Variants in ZNF148 observed in about 807,000 individuals in gnomAD.
ZNF148 encodes the protein zinc finger protein 148, also known as Beta-Enolase Repressor Factor-1.
Under a neutral mutation model 67.7 loss-of-function variants are expected in ZNF148, and 7 were observed. The ratio of observed to expected loss-of-function variants is 0.10; its 90% confidence interval spans 0.06 to 0.19. ZNF148 has a LOEUF of 0.19. ZNF148 is among the 10% of genes least tolerant of loss of function. The probability of loss-of-function intolerance (pLI) is 1.00; values close to 1 mark genes in which losing one functional copy is unlikely to be tolerated. For missense variants in ZNF148, 583 were observed against 947.1 expected (o/e 0.62, Z 5.05); for synonymous variants, 333 against 330.7 (o/e 1.01, Z -0.08).
chr3:125,308,121 C>T (rs1384019213), intron 4 of ZNF148, among the ~76,000 whole-genome samples: 1 of 152,058 alleles, frequency 6.6e-6, no homozygotes, highest in African/African-American at 2.4e-5. Flanking sequence ...GTAAGTAAAA[C>T]ATATGGACAA....
chr3:125,251,952 C>T (rs1341413267), intron 7 of ZNF148, among the ~76,000 whole-genome samples: 2 of 152,164 alleles, frequency 1.3e-5, no homozygotes, highest in Non-Finnish European at 2.9e-5. Context: ...GTACTTTGTA[C>T]CACCTGTATT....
At position 125,298,346 on chromosome 3, in the gene ZNF148, T is replaced by TACAC. The variant is rs141809192; in HGVS notation, c.334-10122_334-10119dup. Among the ~76,000 whole-genome samples, 568 of 145,756 alleles carry TACAC rather than the reference T, an allele frequency of 3.9e-3. 6 individuals are homozygous for TACAC. Among genetic ancestry groups the TACAC allele is most frequent in the African/African-American group, 0.01 (390 of 38,902 alleles). On this transcript the variant is annotated intron_variant, in intron 4 of 8. Transcript: ENST00000360647. ...CCTAGAGCAATGTTATAAATGTGCA[T>TACAC]ACACACACACACACACACACACACA...
rs780104167 is a variant in ZNF148, at chr3:125,233,885, G to T, written c.841C>A (p.His281Asn). ...LKHKRMCHEN[H>N]DKKLNRCAIK... is the part of the protein sequence containing the mutation. ...GCACATCTATTTAGTTTTTTGTCAT[G>T]ATTTTCATGGCACATACGTTTATGT... is the stretch of plus-strand genomic sequence containing the variant. Residue 281 changes from histidine to asparagine, a missense_variant, in exon 9 of 9, where the codon CAT (histidine) becomes AAT (asparagine). This residue lies in a region of ZNF148 where 78 missense variants were observed against 86.5 expected (regional missense o/e 0.90). Coordinates refer to ENST00000360647, the MANE Select transcript of ZNF148 (RefSeq NM_021964.3). This position sits in a 1 kb window ranked among gnomAD's most constrained non-coding sequence, Gnocchi z 5.1. 2 of 1,611,880 alleles carry T rather than the reference G, an allele frequency of 1.2e-6. No individual in the cohort carries two copies. Among genetic ancestry groups the T allele is most frequent in the Admixed American group, 3.3e-5 (2 of 59,740 alleles).
intron 1 of ZNF148, among the ~76,000 whole-genome samples, chr3:125,369,746 T>A (rs947951166): frequency 2.0e-5 from 3 of 152,080 alleles, no homozygotes; most frequent in Non-Finnish European, 4.4e-5. Flanking sequence ...GATGCCAAGG[T>A]GGGAGGATCA....
intron 1 of ZNF148, among the ~76,000 whole-genome samples, chr3:125,333,487 T>G (rs1376616433): frequency 6.6e-6 from 1 of 151,942 alleles, no homozygotes; most frequent in Admixed American, 6.6e-5. Context: ...ATTTCATTTC[T>G]TCAAGCCTCT....
At chr3:125,361,621 C>T (rs1267795971) in intron 1 of ZNF148, among the ~76,000 whole-genome samples, 1 of 152,010 alleles carries the variant, frequency 6.6e-6, no homozygotes, top group Non-Finnish European at 1.5e-5. Context: ...CACTTGAGGT[C>T]AGGAGTTCGA....
At position 125,317,639 on chromosome 3, in the gene ZNF148, T is replaced by C. The variant is rs540134109; in HGVS notation, c.-16-3983A>G. ...AAGGAGAACTATGTAGATAGTAAGA[T>C]CTTTTATATATATATATATATATAG... On this transcript the variant is annotated intron_variant, in intron 3 of 8. Transcript: ENST00000360647. Among the ~76,000 whole-genome samples the C allele has an allele frequency of 2.8e-4, 14 of 50,566 alleles. No homozygotes were observed. In the East Asian group the frequency reaches 4.3e-3, roughly 16 times the overall value. 33.2% of individuals were successfully genotyped at this position (50,566 alleles called of 152,430 possible).
chr3:125,293,583 G>A (rs970683899), intron 4 of ZNF148, among the ~76,000 whole-genome samples: 1 of 152,110 alleles, frequency 6.6e-6, no homozygotes, highest in East Asian at 1.9e-4. Flanking sequence ...AAGGATCAGA[G>A]GATGTCAAAA....
At chr3:125,325,967 C>T (rs1409956350) in intron 2 of ZNF148, among the ~76,000 whole-genome samples, 1 of 152,056 alleles carries the variant, frequency 6.6e-6, no homozygotes, top group Admixed American at 6.6e-5. Flanking sequence ...TGGCTAACTT[C>T]CAGTTAGAAA....
At chr3:125,304,172 G>GACAGAA (rs1939747315) in intron 4 of ZNF148, among the ~76,000 whole-genome samples, 1 of 152,114 alleles carries the variant, frequency 6.6e-6, no homozygotes, top group African/African-American at 2.4e-5. Context: ...AGAAGGAAGA[G>GACAGAA]GGCTTCTACA....
At chr3:125,343,918 G>T (rs1941837727) in intron 1 of ZNF148, among the ~76,000 whole-genome samples, 1 of 152,054 alleles carries the variant, frequency 6.6e-6, no homozygotes, top group Non-Finnish European at 1.5e-5. Context: ...AAAAGTCTAT[G>T]ACAAATGGGG....
At chr3:125,373,253 T>C (rs1216798064) in intron 1 of ZNF148, among the ~76,000 whole-genome samples, 3 of 150,226 alleles carry the variant, frequency 2.0e-5, no homozygotes, top group Non-Finnish European at 3.0e-5. Context: ...GACACCAGCC[T>C]GGCATGGTGG....
intron 4 of ZNF148, among the ~76,000 whole-genome samples, chr3:125,292,144 A>G (rs1157582682): frequency 6.6e-5 from 10 of 152,162 alleles, no homozygotes; most frequent in African/African-American, 2.2e-4. Context: ...CCAAGCTCAC[A>G]AAGTCACAGA....
At chr3:125,265,477 A>G (rs959036925) in intron 7 of ZNF148, among the ~76,000 whole-genome samples, 4 of 152,232 alleles carry the variant, frequency 2.6e-5, no homozygotes, top group Admixed American at 1.3e-4. Flanking sequence ...TCAGGTTCCT[A>G]TAAGTCCATT....
chr3:125,372,783 AC>A (rs1403853097), intron 1 of ZNF148, among the ~76,000 whole-genome samples: 1 of 151,580 alleles, frequency 6.6e-6, no homozygotes, highest in Non-Finnish European at 1.5e-5. Context: ...CCTCACCAAC[AC>A]GGAGAAACTC....
intron 1 of ZNF148, among the ~76,000 whole-genome samples, chr3:125,371,478 G>C (rs534404319): frequency 6.7e-5 from 10 of 148,418 alleles, no homozygotes; most frequent in African/African-American, 2.5e-4. Flanking sequence ...CATCTACAGT[G>C]AAACCCTGTC....
At chr3:125,370,346 C>T (rs999141807) in intron 1 of ZNF148, among the ~76,000 whole-genome samples, 1 of 152,146 alleles carries the variant, frequency 6.6e-6, no homozygotes, top group Non-Finnish European at 1.5e-5. Context: ...TACAATACCC[C>T]CAAAGTACTC....
At chr3:125,358,170 G>A (rs112063775) in intron 1 of ZNF148, among the ~76,000 whole-genome samples, 9 of 152,202 alleles carry the variant, frequency 5.9e-5, no homozygotes, top group East Asian at 1.9e-4. Flanking sequence ...AAAATTAGCC[G>A]GGTGTGGTGG....
Position 125,257,549 on chromosome 3 carries a change from C to T in ZNF148, c.667+20177G>A, listed in dbSNP as rs573054763. 4.2e-4 allele frequency among the ~76,000 whole-genome samples: 52 copies of T among 125,062 alleles called. 1 individual carries two copies. In the South Asian group the frequency reaches 0.012, roughly 29 times the overall value. The allele number at this position is 125,062 out of a possible 152,430, so 82.0% of individuals were successfully genotyped here. On this transcript the variant is annotated intron_variant, in intron 7 of 8. Transcript: ENST00000360647. The stretch of plus-strand genomic sequence containing the variant: ...CAGCCTGGGCGACAGAGCGAGACTC[C>T]GTCTCTATTAAAAAAAAAAAAAAAA...
Sources: gnomAD v4.1 joint callset for allele counts (sites outside exome capture counted in the v4.1 genomes callset) on GRCh38, gnomAD v4.1.1 for gene constraint, gnomAD v4.1.1 regional missense constraint, Gnocchi (gnomAD v3.1) non-coding constraint, MANE v1.5 for transcripts, NCBI Gene and HGNC (gene_info 2026-07-23, HGNC 2026-07-21) for gene names.